The following DOC2B variants were observed in gnomAD, a reference collection of about 807,000 sequenced individuals.
DOC2B encodes the protein double C2-like domain-containing protein beta.
Under a neutral mutation model 28.9 loss-of-function variants are expected in DOC2B, and 21 were observed. The ratio of observed to expected loss-of-function variants is 0.73; its 90% CI spans 0.52 to 1.05. The LOEUF (loss-of-function observed/expected upper bound fraction) is 1.05. DOC2B is among the 50% of genes least tolerant of loss of function. The pLI is 0.00. For synonymous variants in DOC2B, 194 were observed against 178.1 expected (o/e 1.09, Z -0.71); for missense variants, 384 against 421.1 (o/e 0.91, Z 0.77).
rs142705609 is a variant in DOC2B at position 156,187 on chromosome 17, C to T, written c.923+33G>A. 2.0e-4 allele frequency: 300 copies of T among 1,522,916 alleles called. 2 individuals carry two copies. In the African/African-American group the frequency reaches 3.4e-3, roughly 17 times the overall value. 94.3% of individuals were successfully genotyped at this position (1,522,916 alleles called of 1,614,324 possible). On this transcript the variant is annotated intron_variant, in intron 6 of 8. Coordinates refer to ENST00000613549, the MANE Select transcript of DOC2B (RefSeq NM_003585.5). ...GGACCCCCGTCCTTGGAGGTGAAGA[C>T]GTGGCAGGTGGTCACGCGCACGGCA...
rs1233721183 is a variant in DOC2B, at chr17:144,682, G to C, written c.*2759C>G. On this transcript the variant is annotated 3_prime_UTR_variant, in exon 9 of 9. Coordinates refer to ENST00000613549, the MANE Select transcript of DOC2B (RefSeq NM_003585.5). ...GCCTGTGCTGCCCCTGGGCTGGCTG[G>C]CCAGTAAGCCCGCCTCCCAGCCTGA... 1.3e-5 allele frequency: 2 copies of C among 152,356 alleles called. No homozygotes were observed. The highest frequency in any genetic ancestry group is 2.9e-5 in the Non-Finnish European group (2 of 68,156). The allele number at this position is 152,356 out of a possible 1,614,324, so 9.4% of individuals were successfully genotyped here. A position where few individuals can be genotyped will look rare whatever the true frequency, so the allele number is the denominator to read the frequency against.
Position 159,054 on chromosome 17 carries a change from A to AC in DOC2B, c.765+2360_765+2361insG, listed in dbSNP as rs1268766131. On this transcript the variant is annotated intron_variant, in intron 5 of 8. Coordinates refer to ENST00000613549, the MANE Select transcript of DOC2B (RefSeq NM_003585.5). ...GACTCCATCTCATAAAAAAAAAAAAAAAACAACCAACCAGCAGGCATATTT... is the reference window on the plus strand; with the variant it reads ...GACTCCATCTCATAAAAAAAAAAAAACAAACAACCAACCAGCAGGCATATTT... 2.6e-5 allele frequency among the ~76,000 whole-genome samples: 4 copies of AC among 151,550 alleles called. No homozygotes were observed. In the East Asian group the frequency reaches 7.8e-4, roughly 29 times the overall value.
At chr17:166,322 C>T (rs1464797088) in intron 2 of DOC2B, among the ~76,000 whole-genome samples, 1 of 152,262 alleles carries the variant, frequency 6.6e-6, no homozygotes, top group Non-Finnish European at 1.5e-5. Context: ...GCTGGCCTCC[C>T]ACGGAGCCTG....
chr17:148,584 T>G (rs1039237881), intron 7 of DOC2B, among the ~76,000 whole-genome samples: 1 of 152,132 alleles, frequency 6.6e-6, no homozygotes, highest in African/African-American at 2.4e-5. Flanking sequence ...CTGGCTTTGC[T>G]GACCCCTCCC....
At chr17:159,057 A>C (rs942098911) in intron 5 of DOC2B, among the ~76,000 whole-genome samples, 5 of 150,450 alleles carry the variant, frequency 3.3e-5, no homozygotes, top group Non-Finnish European at 4.4e-5. Context: ...AAAAAAAAAA[A>C]CAACCAACCA....
intron 5 of DOC2B, 106 bp from the exon 6 acceptor site, chr17:156,483 C>T: frequency 7.8e-7 from 1 of 1,276,776 alleles, no homozygotes; most frequent in Non-Finnish European, 1.1e-6. Context: ...GCAGCCGGGC[C>T]TGGTCACGGT....
chr17:163,832 G>A, intron 3 of DOC2B: 1 of 382,582 alleles, frequency 2.6e-6, no homozygotes. Context: ...AGCTGAGAAT[G>A]CTTCTTATAA....
intron 6 of DOC2B, among the ~76,000 whole-genome samples, chr17:153,686 G>GTA (rs918222881): frequency 2.6e-5 from 4 of 150,968 alleles, no homozygotes; most frequent in African/African-American, 9.8e-5. Context: ...GGGCAACAGA[G>GTA]TAAGACTCTG....
chr17:176,749 G>T (rs2040374770), intron 1 of DOC2B, among the ~76,000 whole-genome samples: 1 of 152,194 alleles, frequency 6.6e-6, no homozygotes, highest in Non-Finnish European at 1.5e-5. Flanking sequence ...ACAGTGCCCT[G>T]CCCTTGGAGC....
intron 1 of DOC2B, among the ~76,000 whole-genome samples, chr17:179,951 A>G (rs913771411): frequency 2.6e-5 from 4 of 152,170 alleles, no homozygotes; most frequent in African/African-American, 4.8e-5. Context: ...GGCACTGGTA[A>G]TCCCTACCTT....
chr17:180,459 G>GC (rs899039195), intron 1 of DOC2B, among the ~76,000 whole-genome samples: 17 of 152,158 alleles, frequency 1.1e-4, no homozygotes, highest in African/African-American at 3.9e-4. Flanking sequence ...AAGGTGCGCG[G>GC]CCCTGGCGAG....
chr17:158,107 C>T (rs1395557464), intron 5 of DOC2B, among the ~76,000 whole-genome samples: 1 of 152,208 alleles, frequency 6.6e-6, no homozygotes, highest in Non-Finnish European at 1.5e-5. Flanking sequence ...TTCCCTGCCT[C>T]AGCAGCTGCC....
At chr17:158,915 C>T (rs2030145529) in intron 5 of DOC2B, among the ~76,000 whole-genome samples, 1 of 148,676 alleles carries the variant, frequency 6.7e-6, no homozygotes, top group African/African-American at 2.4e-5. Flanking sequence ...TGTGGTGGCG[C>T]ATGCCTGTAA....
chr17:172,422 A>T, intron 2 of DOC2B, 115 bp downstream of exon 2: 1 of 816,090 alleles, frequency 1.2e-6, no homozygotes. Flanking sequence ...CACACAGCGC[A>T]GACATCCAAA....
chr17:169,069 C>A (rs576332354), intron 2 of DOC2B, among the ~76,000 whole-genome samples: 137 of 152,196 alleles, frequency 9.0e-4, no homozygotes, highest in African/African-American at 3.2e-3. Flanking sequence ...TAGCCCTGCC[C>A]CGCCCTGGGC....
intron 3 of DOC2B, chr17:163,475 C>A (rs974590284): frequency 6.6e-6 from 1 of 152,242 alleles, no homozygotes; most frequent in Non-Finnish European, 1.5e-5. Flanking sequence ...AAAAATAAAA[C>A]AGCACTGAAG....
chr17:181,069 A>C lies in DOC2B; in HGVS notation c.373+38T>G, dbSNP rs2040435991. 8.2e-7 allele frequency: 1 copy of C among 1,220,894 alleles called. No homozygotes were observed. Among genetic ancestry groups the C allele is most frequent in the South Asian group, 3.4e-5 (1 of 29,434 alleles). The allele number at this position is 1,220,894 out of a possible 1,614,324, so 75.6% of individuals were successfully genotyped here. A position where few individuals can be genotyped will look rare whatever the true frequency, so the allele number is the denominator to read the frequency against. On this transcript the variant is annotated intron_variant, in intron 1 of 8. Transcript: ENST00000613549. The surrounding 1 kb of genome is among the most constrained non-coding windows in gnomAD (Gnocchi z 7.0). ...GCCGTGGGGGGGCCGAGCCCGAGCC[A>C]GGGGAGGGGGCGCGAAGTCGGCGCG...
intron 1 of DOC2B, among the ~76,000 whole-genome samples, chr17:180,018 C>G (rs1219634257): frequency 2.0e-5 from 3 of 152,224 alleles, no homozygotes; most frequent in African/African-American, 4.8e-5. Flanking sequence ...GCCCACAGGC[C>G]CTGGTGAGTG....
chr17:181,040 C>T lies in DOC2B; in HGVS notation c.373+67G>A. 2 of 1,189,578 alleles carry T rather than the reference C, an allele frequency of 1.7e-6. No individual in the cohort carries two copies. Among genetic ancestry groups the T allele is most frequent in the Non-Finnish European group, 1.0e-6 (1 of 953,930 alleles). The allele number at this position is 1,189,578 out of a possible 1,614,324, so 73.7% of individuals were successfully genotyped here. On this transcript the variant is annotated intron_variant, in intron 1 of 8. Transcript: ENST00000613549. The surrounding 1 kb of genome is among the most constrained non-coding windows in gnomAD (Gnocchi z 7.0). The stretch of plus-strand genomic sequence containing the variant: ...GAGGGGGACCGGCGGAGGGAAGCCG[C>T]GAGGCCGTGGGGGGGCCGAGCCCGA...
Sources: allele counts gnomAD v4.1 joint callset (sites outside exome capture counted in the v4.1 genomes callset), GRCh38; gene constraint gnomAD v4.1.1; non-coding constraint Gnocchi (gnomAD v3.1); transcripts MANE v1.5; gene names NCBI Gene and HGNC (gene_info 2026-07-23, HGNC 2026-07-21).